LY75: variants seen among roughly 807,000 people sequenced by gnomAD.
LY75 encodes C-type lectin domain family 13 member B.
A neutral mutation model predicts 231.7 loss-of-function variants in LY75; 185 were observed. That is an observed-to-expected ratio of 0.80 (90% CI 0.71 to 0.90). The LOEUF (loss-of-function observed/expected upper bound fraction) is 0.90. LY75 is among the 40% of genes least tolerant of loss of function. LY75 has a pLI of 0.00. For synonymous variants in LY75, 668 were observed against 689.0 expected, an observed-to-expected ratio of 0.97 and a Z score of 0.48; for missense variants, 1,947 against 2,050.2, an observed-to-expected ratio of 0.95 and a Z score of 0.97.
chr2:159,819,439 G>A (rs927638196), intron 29 of LY75, among the ~76,000 whole-genome samples: 1 of 150,970 alleles, frequency 6.6e-6, no homozygotes, highest in African/African-American at 2.4e-5. Flanking sequence ...CCAATGTATC[G>A]GTTTTGACTT....
rs1341394980 is a variant in LY75 at position 159,850,791 on chromosome 2, T to TATATATATATATATATATATATAA, written c.2884-325_2884-324insTTATATATATATATATATATATAT. On this transcript the variant is annotated intron_variant, in intron 21 of 34. Transcript: ENST00000263636. ...AAACTTTCATATATATATATATATATATATATATTATATCTTATATATAAG... is the reference window on the plus strand; with the variant it reads ...AAACTTTCATATATATATATATATATATATATATATATATATATATATAAATATATATTATATCTTATATATAAG... Among the ~76,000 whole-genome samples, 341 of 94,394 alleles carry TATATATATATATATATATATATAA rather than the reference T, an allele frequency of 3.6e-3. 17 individuals carry two copies. Among genetic ancestry groups the TATATATATATATATATATATATAA allele is most frequent in the African/African-American group, 5.3e-3 (134 of 25,110 alleles). The allele number at this position is 94,394 out of a possible 152,430, so 61.9% of individuals were successfully genotyped here. A position where few individuals can be genotyped will look rare whatever the true frequency, so the allele number is the denominator to read the frequency against.
chr2:159,828,678 G>A (rs115978931), intron 28 of LY75, among the ~76,000 whole-genome samples: 278 of 152,282 alleles, frequency 1.8e-3, no homozygotes, highest in Non-Finnish European at 3.1e-3. Context: ...AAACTTGTAC[G>A]TGAATGTTCA....
chr2:159,901,984 T>C (rs570639966), intron 1 of LY75, among the ~76,000 whole-genome samples: 1 of 152,338 alleles, frequency 6.6e-6, no homozygotes, highest in Admixed American at 6.5e-5. Flanking sequence ...CTTATTGGGA[T>C]AGTAGGTTGA....
chr2:159,869,898 G>A (rs1041290239), intron 13 of LY75, among the ~76,000 whole-genome samples: 1 of 152,100 alleles, frequency 6.6e-6, no homozygotes, highest in Admixed American at 6.6e-5. Flanking sequence ...CAAGGTTGAG[G>A]GAATAGCTAA....
At chr2:159,884,830 T>C (rs1685537353) in intron 6 of LY75, among the ~76,000 whole-genome samples, 1 of 152,140 alleles carries the variant, frequency 6.6e-6, no homozygotes, top group South Asian at 2.1e-4. Flanking sequence ...GCTGTTGGTC[T>C]GGGGACCACC....
chr2:159,853,477 T>C, intron 19 of LY75, 125 bp from the exon 20 acceptor site: 1 of 1,467,720 alleles, frequency 6.8e-7, no homozygotes, highest in Non-Finnish European at 9.2e-7. Context: ...CCCTTTTTTC[T>C]TGATGCTAAC....
At chr2:159,833,173 C>T (rs1683718834) in intron 27 of LY75, among the ~76,000 whole-genome samples, 1 of 142,892 alleles carries the variant, frequency 7.0e-6, no homozygotes, top group African/African-American at 2.6e-5. Flanking sequence ...GTTATCCAGG[C>T]TGGAGTGCAG....
intron 25 of LY75, 59 bp downstream of exon 25, chr2:159,840,670 C>T (rs1683995325): frequency 6.2e-7 from 1 of 1,608,910 alleles, no homozygotes; most frequent in Admixed American, 1.7e-5. Context: ...AGAAGCTATG[C>T]ACAATAAAAA....
At chr2:159,819,307 G>A (rs1008787282) in intron 29 of LY75, among the ~76,000 whole-genome samples, 1 of 152,060 alleles carries the variant, frequency 6.6e-6, no homozygotes, top group African/African-American at 2.4e-5. Context: ...CACTTTGCAC[G>A]GAATGTTAAA....
At chr2:159,805,334 A>G (rs924638177) in intron 34 of LY75, 112 bp from the exon 35 acceptor site, 26 of 664,828 alleles carry the variant, frequency 3.9e-5, no homozygotes, top group Admixed American at 8.7e-5. Context: ...GTATACAGAC[A>G]TAATAAATCT....
In LY75 at chr2:159,850,343, TC is replaced by T. The variant is rs1358088904; in HGVS notation, c.2989+18del. 1 of 1,612,966 alleles carries T rather than the reference TC, an allele frequency of 6.2e-7. No individual in the cohort carries two copies. Among genetic ancestry groups the T allele is most frequent in the Non-Finnish European group, 8.5e-7 (1 of 1,179,422 alleles). ...GCCCCAGATCAGAATAAAACATGTT[TC>T]CCAAATAATTCCAGTACCTTGTTCA... On this transcript the variant is annotated intron_variant, in intron 22 of 34. Coordinates refer to ENST00000263636, the MANE Select transcript of LY75 (RefSeq NM_002349.4).
chr2:159,881,962 C>G (rs1685449503), intron 7 of LY75, among the ~76,000 whole-genome samples, 162 bp downstream of exon 7: 1 of 152,198 alleles, frequency 6.6e-6, no homozygotes, highest in South Asian at 2.1e-4. Flanking sequence ...GACCACCATA[C>G]TAGACCAATT....
chr2:159,868,875 GT>G (rs1346430780), intron 13 of LY75, among the ~76,000 whole-genome samples: 1 of 152,098 alleles, frequency 6.6e-6, no homozygotes, highest in East Asian at 1.9e-4. Context: ...GGGCCATTAA[GT>G]TGCCCTGCTT....
chr2:159,845,883 C>T (rs1684187266), intron 23 of LY75, among the ~76,000 whole-genome samples: 1 of 151,146 alleles, frequency 6.6e-6, no homozygotes, highest in African/African-American at 2.4e-5. Flanking sequence ...TATATATATA[C>T]ACATACACAT....
chr2:159,871,506 G>C (rs977751391), intron 13 of LY75, among the ~76,000 whole-genome samples: 7 of 152,176 alleles, frequency 4.6e-5, no homozygotes, highest in Admixed American at 3.3e-4. Context: ...ATTTTTATTA[G>C]AATTTCACAA....
At chr2:159,821,958 C>G (rs528512962) in intron 28 of LY75, among the ~76,000 whole-genome samples, 3 of 152,290 alleles carry the variant, frequency 2.0e-5, no homozygotes, top group East Asian at 3.9e-4. Context: ...CTCCCCTATC[C>G]AAGGGAAGCC....
chr2:159,859,667 C>T (rs963766959), intron 15 of LY75, among the ~76,000 whole-genome samples: 1 of 152,152 alleles, frequency 6.6e-6, no homozygotes, highest in African/African-American at 2.4e-5. Flanking sequence ...GAGTACCAGA[C>T]CCAGACACAC....
At chr2:159,850,773 CATATATATATATATAT>C (rs67887100) in intron 21 of LY75, among the ~76,000 whole-genome samples, 1 of 27,166 alleles carries the variant, frequency 3.7e-5, no homozygotes, top group African/African-American at 1.1e-4. Context: ...TTCAAACTTT[CATATATATATATATAT>C]ATATATATAT....
rs773778155 is a variant in LY75, at chr2:159,850,414, G to A, written c.2937C>T (p.Thr979=). The A allele has an allele frequency of 6.2e-7, 1 of 1,613,672 alleles. No homozygotes were observed. Among genetic ancestry groups the A allele is most frequent in the South Asian group, 1.1e-5 (1 of 91,072 alleles). ...GAAGGGTGCCACCATAGGAGTGACA[G>A]GTATCGCTTGCTTGAGAAAATGTGA... ...VSLTFSQASD[T]CHSYGGTLPS... is the part of the protein sequence containing the mutation. Residue 979 remains threonine (T), a synonymous_variant, in exon 22 of 35, where the codon ACC becomes ACT. Coordinates refer to ENST00000263636, the MANE Select transcript of LY75 (RefSeq NM_002349.4).
Sources: gnomAD v4.1 joint callset for allele counts (sites outside exome capture counted in the v4.1 genomes callset) on GRCh38, gnomAD v4.1.1 for gene constraint, MANE v1.5 for transcripts, NCBI Gene and HGNC (gene_info 2026-07-23, HGNC 2026-07-21) for gene names.